Variants in CYB5A observed in about 807,000 individuals in gnomAD.
CYB5A encodes the protein cytochrome b5 type A, also known as cytochrome b5.
A neutral mutation model predicts 16.2 loss-of-function variants in CYB5A; 10 were observed. The observed-to-expected ratio is 0.62, with a 90% CI of 0.38 to 1.04. The LOEUF (loss-of-function observed/expected upper bound fraction) is 1.04, where lower values mean the gene tolerates loss of function less well. Among genes scored for constraint, CYB5A ranks in the 50% least tolerant of loss-of-function variants. CYB5A has a pLI of 0.01. For missense variants in CYB5A, 161 were observed against 165.9 expected, an observed-to-expected ratio of 0.97 and a Z score of 0.16; for synonymous variants, 62 against 57.0, an observed-to-expected ratio of 1.09 and a Z score of -0.40.
intron 1 of CYB5A, among the ~76,000 whole-genome samples, chr18:74,284,918 T>C (rs1362899688): frequency 6.6e-6 from 1 of 152,164 alleles, no homozygotes; most frequent in Non-Finnish European, 1.5e-5. Context: ...CCAGATTCTA[T>C]TCAACAGCAA....
At chr18:74,258,173 C>G (rs570275429) in intron 3 of CYB5A, 1 of 152,270 alleles carries the variant, frequency 6.6e-6, no homozygotes, top group Admixed American at 6.5e-5. Context: ...TGCAACTGAC[C>G]AGCCTGAGAT....
intron 1 of CYB5A, among the ~76,000 whole-genome samples, chr18:74,282,698 T>C (rs964658014): frequency 2.6e-5 from 4 of 151,928 alleles, no homozygotes; most frequent in African/African-American, 9.7e-5. Flanking sequence ...TAAAAACAAG[T>C]TTGGCTTGTT....
chr18:74,290,396 C>T (rs936918927), intron 1 of CYB5A, among the ~76,000 whole-genome samples: 5 of 152,072 alleles, frequency 3.3e-5, no homozygotes, highest in African/African-American at 4.8e-5. Context: ...AGGCGTGCCC[C>T]GCCAGGCCTG....
chr18:74,258,202 G>C (rs964801173), intron 3 of CYB5A: 1 of 152,206 alleles, frequency 6.6e-6, no homozygotes, highest in Admixed American at 6.5e-5. Context: ...GATGGTTCTG[G>C]AGCACGTCTG....
At chr18:74,255,244 G>A (rs1981927018) in intron 4 of CYB5A, among the ~76,000 whole-genome samples, 1 of 152,174 alleles carries the variant, frequency 6.6e-6, no homozygotes, top group Non-Finnish European at 1.5e-5. Flanking sequence ...ATGTTAATGT[G>A]CACTTGGACT....
chr18:74,277,135 A>T (rs1042342781), intron 1 of CYB5A, among the ~76,000 whole-genome samples: 2 of 152,236 alleles, frequency 1.3e-5, no homozygotes, highest in African/African-American at 4.8e-5. Flanking sequence ...AACAATTCAA[A>T]AGAGTTTGGA....
In CYB5A at chr18:74,276,510, C is replaced by T. The variant is rs116766536; in HGVS notation, c.130-13033G>A. Among the ~76,000 whole-genome samples the T allele has an allele frequency of 8.7e-3, 1,260 of 145,638 alleles. 4 individuals carry two copies. The highest frequency in any genetic ancestry group is 0.04 in the South Asian group (175 of 4,396). On this transcript the variant is annotated intron_variant, in intron 1 of 4. Transcript: ENST00000340533. The stretch of plus-strand genomic sequence containing the variant: ...ATCTGCCCTGCCTTTCTGGGTCTTA[C>T]GAAGTACAAAAGATTCAGCACACAC...
chr18:74,285,480 C>G (rs2145084262), intron 1 of CYB5A, among the ~76,000 whole-genome samples: 1 of 152,252 alleles, frequency 6.6e-6, no homozygotes, highest in Admixed American at 6.5e-5. Context: ...CAGCCAAATT[C>G]AGGAAGGGAG....
intron 1 of CYB5A, among the ~76,000 whole-genome samples, chr18:74,272,882 A>G (rs1251123096): frequency 6.6e-6 from 1 of 152,212 alleles, no homozygotes; most frequent in Non-Finnish European, 1.5e-5. Context: ...AGATCACGCC[A>G]CTGCACTCCA....
chr18:74,267,161 C>CT (rs113610880), intron 1 of CYB5A, among the ~76,000 whole-genome samples: 2,277 of 146,916 alleles, frequency 0.015, 33 homozygotes, highest in African/African-American at 0.039. Context: ...GCACACATCA[C>CT]TTTTTTTTTT....
At chr18:74,262,462 A>AAC (rs1355776892) in intron 2 of CYB5A, among the ~76,000 whole-genome samples, 1 of 151,078 alleles carries the variant, frequency 6.6e-6, no homozygotes, top group Admixed American at 6.6e-5. Flanking sequence ...TCTCAAAAAA[A>AAC]AAAAAAAAGA....
chr18:74,276,320 C>T (rs935371263), intron 1 of CYB5A, among the ~76,000 whole-genome samples: 4 of 152,130 alleles, frequency 2.6e-5, no homozygotes, highest in Admixed American at 2.0e-4. Flanking sequence ...CAGTTCCCCC[C>T]ACCTTTTTTT....
rs1229714878 is a variant in CYB5A at position 74,252,330 on chromosome 18, GA to G, written c.*1253del. Reference sequence around the variant, plus strand: ...ATTTAAAAGAATAACACATAAGGCAGAGAATAATAAATGGGAAGTAAGATGA... The same window carrying G: ...ATTTAAAAGAATAACACATAAGGCAGGAATAATAAATGGGAAGTAAGATGA... On this transcript the variant is annotated 3_prime_UTR_variant, in exon 5 of 5. Transcript: ENST00000340533. 6.6e-6 allele frequency: 1 copy of G among 152,194 alleles called. No individual in the cohort carries two copies. The highest frequency in any genetic ancestry group is 2.4e-5 in the African/African-American group (1 of 41,450). 9.4% of individuals were successfully genotyped at this position (152,194 alleles called of 1,614,324 possible).
At chr18:74,265,517 G>A (rs1051538006) in intron 1 of CYB5A, among the ~76,000 whole-genome samples, 3 of 152,218 alleles carry the variant, frequency 2.0e-5, no homozygotes, top group African/African-American at 4.8e-5. Context: ...CTGGCACATC[G>A]TTTATGCTCA....
intron 1 of CYB5A, among the ~76,000 whole-genome samples, chr18:74,289,637 G>T (rs749411191): frequency 6.6e-6 from 1 of 152,066 alleles, no homozygotes; most frequent in Admixed American, 6.5e-5. Context: ...TTAGCTGGGC[G>T]TGATGGTGTG....
intron 1 of CYB5A, among the ~76,000 whole-genome samples, chr18:74,281,154 A>AC (rs1983085048): frequency 6.6e-6 from 1 of 151,964 alleles, no homozygotes; most frequent in Non-Finnish European, 1.5e-5. Context: ...GAGGAGCACA[A>AC]CCCCCAGGCT....
intron 1 of CYB5A, among the ~76,000 whole-genome samples, chr18:74,278,706 C>T (rs1164004764): frequency 1.3e-5 from 2 of 152,206 alleles, no homozygotes; most frequent in African/African-American, 4.8e-5. Context: ...GCAGACAGGT[C>T]TTATGCACAG....
At chr18:74,279,142 G>A (rs989154506) in intron 1 of CYB5A, among the ~76,000 whole-genome samples, 58 of 152,202 alleles carry the variant, frequency 3.8e-4, no homozygotes, top group East Asian at 5.8e-4. Context: ...GAATATGCAA[G>A]CCACCAAAAC....
chr18:74,269,694 CT>C (rs1982595536), intron 1 of CYB5A, among the ~76,000 whole-genome samples: 2 of 152,182 alleles, frequency 1.3e-5, no homozygotes, highest in African/African-American at 4.8e-5. Flanking sequence ...ATTCCTCTTT[CT>C]TTCTTCATCT....
Sources: allele counts gnomAD v4.1 joint callset (sites outside exome capture counted in the v4.1 genomes callset), GRCh38; gene constraint gnomAD v4.1.1; transcripts MANE v1.5; gene names NCBI Gene and HGNC (gene_info 2026-07-23, HGNC 2026-07-21).